Variants in PARD6B observed in about 807,000 individuals in gnomAD.
PARD6B encodes partitioning defective 6 homolog beta.
Under a neutral mutation model 10.5 loss-of-function variants are expected in PARD6B, and 4 were observed. That is an observed-to-expected ratio of 0.38 (90% CI 0.19 to 0.87). PARD6B has a LOEUF of 0.87. Among genes scored for constraint, PARD6B ranks in the 40% least tolerant of loss-of-function variants. PARD6B has a pLI of 0.41. For missense variants in PARD6B, 396 were observed against 470.6 expected (o/e 0.84, Z 1.47); for synonymous variants, 169 against 170.4 (o/e 0.99, Z 0.07).
chr20:50,750,903 C>G lies in PARD6B; in HGVS notation c.*415C>G, dbSNP rs146742474. The G allele has an allele frequency of 6.2e-6, 6 of 975,362 alleles. No individual in the cohort carries two copies. In the East Asian group the frequency reaches 5.8e-4, roughly 94 times the overall value. The allele number at this position is 975,362 out of a possible 1,614,324, so 60.4% of individuals were successfully genotyped here. A position where few individuals can be genotyped will look rare whatever the true frequency, so the allele number is the denominator to read the frequency against. Reference sequence around the variant, plus strand: ...TGAAGTCTGATTCTCTCTTGTGGTACATTGGGGACCTCAGCTCTTAAAGGT... The same window carrying G: ...TGAAGTCTGATTCTCTCTTGTGGTAGATTGGGGACCTCAGCTCTTAAAGGT... On this transcript the variant is annotated 3_prime_UTR_variant, in exon 3 of 3. Transcript: ENST00000371610.
At chr20:50,746,400 C>G (rs1043074548) in intron 2 of PARD6B, among the ~76,000 whole-genome samples, 3 of 152,150 alleles carry the variant, frequency 2.0e-5, no homozygotes, top group African/African-American at 7.2e-5. Context: ...GGGATAAATG[C>G]GGTGCTGCTG....
rs770634171 is a variant in PARD6B, at chr20:50,737,994, C to T, written c.204C>T (p.Asp68=). 3.1e-6 allele frequency: 5 copies of T among 1,613,446 alleles called. No homozygotes were observed. In the South Asian group the frequency reaches 4.4e-5, roughly 14 times the overall value. The change falls in exon 2 of 3, where the codon GAC becomes GAT. Residue 68 remains aspartate, a synonymous_variant. Coordinates refer to ENST00000371610, the MANE Select transcript of PARD6B (RefSeq NM_032521.3). ...TAGGCTATGCAGACATCCATGGAGA[C>T]TTACTACCTATAAATAATGATGATA... ...VLVGYADIHG[D]LLPINNDDNY...
chr20:50,746,669 G>T (rs1390963021), intron 2 of PARD6B, among the ~76,000 whole-genome samples: 1 of 152,160 alleles, frequency 6.6e-6, no homozygotes, highest in Non-Finnish European at 1.5e-5. Context: ...CTTTGTACTG[G>T]GGCATATTGC....
Position 50,752,586 on chromosome 20 carries a change from A to C in PARD6B, c.*2098A>C. On this transcript the variant is annotated 3_prime_UTR_variant, in exon 3 of 3. Coordinates refer to ENST00000371610, the MANE Select transcript of PARD6B (RefSeq NM_032521.3). ...CTTGTATATAGAAACTAAAAATACT[A>C]TGAAGTACATAAGTTCCCTATGGCT... is the stretch of plus-strand genomic sequence containing the variant. 1 of 983,486 alleles carries C rather than the reference A, an allele frequency of 1.0e-6. No individual in the cohort carries two copies. The highest frequency in any genetic ancestry group is 6.1e-5 in the Admixed American group (1 of 16,286). The allele number at this position is 983,486 out of a possible 1,614,324, so 60.9% of individuals were successfully genotyped here.
chr20:50,750,461 A>G lies in PARD6B; in HGVS notation c.1092A>G (p.Glu364=). The change falls in exon 3 of 3, where the codon GAA becomes GAG. Residue 364 remains glutamate, a synonymous_variant. Transcript: ENST00000371610. ...ATGCTCCAGATCAAAAACTCTTAGA[A>G]GAAGATGGAACAATCATAACATTAT... ...ETHAPDQKLL[E]EDGTIITL 2 of 1,613,682 alleles carry G rather than the reference A, an allele frequency of 1.2e-6. No homozygotes were observed. Among genetic ancestry groups the G allele is most frequent in the South Asian group, 1.1e-5 (1 of 91,032 alleles).
intron 1 of PARD6B, among the ~76,000 whole-genome samples, chr20:50,734,395 G>C (rs1463986713): frequency 1.3e-5 from 2 of 151,974 alleles, no homozygotes; most frequent in South Asian, 2.1e-4. Flanking sequence ...CACCCGGGCT[G>C]GAGTACAATG....
chr20:50,738,039 A>G lies in PARD6B; in HGVS notation c.249A>G (p.Ser83=), dbSNP rs772002068. 3.1e-6 allele frequency: 5 copies of G among 1,612,050 alleles called. No homozygotes were observed. Among genetic ancestry groups the G allele is most frequent in the Non-Finnish European group, 4.2e-6 (5 of 1,179,316 alleles). Residue 83 remains serine (S), a synonymous_variant, in exon 2 of 3, where the codon TCA becomes TCG. Transcript: ENST00000371610. ...NNDDNYHKAV[S]TANPLLRIFI... is the part of the protein sequence containing the mutation. Reference sequence around the variant, plus strand: ...ATGATAATTATCACAAAGCTGTTTCAACGGCCAATCCACTGCTTAGGATAT... The same window carrying G: ...ATGATAATTATCACAAAGCTGTTTCGACGGCCAATCCACTGCTTAGGATAT...
Position 50,741,380 on chromosome 20 carries a change from C to T in PARD6B, c.289+3301C>T, listed in dbSNP as rs545049396. Among the ~76,000 whole-genome samples the T allele has an allele frequency of 1.1e-4, 16 of 152,218 alleles. No homozygotes were observed. In the East Asian group the frequency reaches 2.9e-3, roughly 28 times the overall value. On this transcript the variant is annotated intron_variant, in intron 2 of 2. Transcript: ENST00000371610. The stretch of plus-strand genomic sequence containing the variant: ...TCAGATAAGTTTGTCAGAGGAGTCT[C>T]TTCTGACTACCCTAACTAAAGCCCT...
At chr20:50,739,707 G>A (rs1287938034) in intron 2 of PARD6B, among the ~76,000 whole-genome samples, 1 of 152,040 alleles carries the variant, frequency 6.6e-6, no homozygotes, top group Non-Finnish European at 1.5e-5. Context: ...TCCTGAGATG[G>A]ATCTCAAAGG....
intron 2 of PARD6B, among the ~76,000 whole-genome samples, chr20:50,742,184 C>T (rs955591225): frequency 1.3e-5 from 2 of 152,092 alleles, no homozygotes; most frequent in Non-Finnish European, 2.9e-5. Flanking sequence ...GCTGGGACTA[C>T]AGATGCGTGC....
In PARD6B at chr20:50,750,477, A is replaced by T; in HGVS notation, c.1108A>T (p.Ile370Leu). ...QKLLEEDGTI[I>L]TL ...ACTCTTAGAAGAAGATGGAACAATC[A>T]TAACATTATGAAACCGTGGTTTGAA... Residue 370 changes from isoleucine to leucine, a missense_variant, in exon 3 of 3, where the codon ATA becomes TTA. By Grantham distance (5) the Ile-to-Leu change is conservative (BLOSUM62 2). Transcript: ENST00000371610. 6.2e-7 allele frequency: 1 copy of T among 1,611,764 alleles called. No homozygotes were observed. The highest frequency in any genetic ancestry group is 8.5e-7 in the Non-Finnish European group (1 of 1,178,606).
In PARD6B at chr20:50,752,824, A is replaced by G. The variant is rs371683106; in HGVS notation, c.*2336A>G. The G allele has an allele frequency of 2.0e-6, 2 of 978,342 alleles. No homozygotes were observed. Among genetic ancestry groups the G allele is most frequent in the South Asian group, 4.7e-5 (1 of 21,136 alleles). The allele number at this position is 978,342 out of a possible 1,614,324, so 60.6% of individuals were successfully genotyped here. A position where few individuals can be genotyped will look rare whatever the true frequency, so the allele number is the denominator to read the frequency against. The stretch of plus-strand genomic sequence containing the variant: ...TATTTTGTTCACATTACCACTAAGC[A>G]TATTATCAGTAAACTATTAACTGAC... On this transcript the variant is annotated 3_prime_UTR_variant, in exon 3 of 3. Coordinates refer to ENST00000371610, the MANE Select transcript of PARD6B (RefSeq NM_032521.3).
Position 50,749,986 on chromosome 20 carries a change from C to T in PARD6B, c.617C>T (p.Thr206Ile). ...GTCCCAGGAGGTCTGGCTCAAAGTA[C>T]AGGACTATTAGCTGTTAATGATGAA... ...RLVPGGLAQS[T>I]GLLAVNDEVL... Residue 206 changes from threonine (T) to isoleucine (I), a missense_variant, in exon 3 of 3, where the codon ACA (threonine) becomes ATA (isoleucine). This residue lies in a region of PARD6B where 208 missense variants were observed against 300.9 expected (regional missense o/e 0.69). Transcript: ENST00000371610. 1.2e-6 allele frequency: 2 copies of T among 1,614,114 alleles called. No individual in the cohort carries two copies. Among genetic ancestry groups the T allele is most frequent in the Non-Finnish European group, 1.7e-6 (2 of 1,180,032 alleles).
chr20:50,749,700 A>C lies in PARD6B; in HGVS notation c.331A>C (p.Lys111Gln). ...TGCCTTTGGTACAGACACGCTAATA[A>C]AGAAGAAGAATGTTTTAACCAACGT... is the stretch of plus-strand genomic sequence containing the variant. ...YSAFGTDTLI[K>Q]KKNVLTNVLR... is the part of the protein sequence containing the mutation. Residue 111 changes from lysine (K) to glutamine (Q), a missense_variant, in exon 3 of 3, where the codon AAG becomes CAG. Around this residue, in one of 2 missense-constraint regions of PARD6B, gnomAD observed 208 missense variants for 300.9 expected, o/e 0.69. Coordinates refer to ENST00000371610, the MANE Select transcript of PARD6B (RefSeq NM_032521.3). 6.2e-7 allele frequency: 1 copy of C among 1,610,920 alleles called. No homozygotes were observed. The highest frequency in any genetic ancestry group is 8.5e-7 in the Non-Finnish European group (1 of 1,179,138).
chr20:50,736,397 T>G (rs1250439204), intron 1 of PARD6B, among the ~76,000 whole-genome samples: 6 of 152,236 alleles, frequency 3.9e-5, no homozygotes, highest in Non-Finnish European at 8.8e-5. Context: ...TTCTTGCTAG[T>G]AATAGATAGG....
In PARD6B at chr20:50,737,933, A is replaced by G; in HGVS notation, c.143A>G (p.Gln48Arg). Residue 48 changes from glutamine (Q) to arginine (R), a missense_variant, in exon 2 of 3, where the codon CAA becomes CGA. Around this residue, in one of 2 missense-constraint regions of PARD6B, gnomAD observed 208 missense variants for 300.9 expected, o/e 0.69. Transcript: ENST00000371610. Reference sequence around the variant, plus strand: ...TTTGAGGAGTTTTATGGATTACTACAACATGTTCATAAGATCCCCAATGTT... The same window carrying G: ...TTTGAGGAGTTTTATGGATTACTACGACATGTTCATAAGATCCCCAATGTT... ...GKFEEFYGLL[Q>R]HVHKIPNVDV... The G allele has an allele frequency of 6.2e-7, 1 of 1,613,514 alleles. No individual in the cohort carries two copies. Among genetic ancestry groups the G allele is most frequent in the African/African-American group, 1.3e-5 (1 of 74,960 alleles).
At chr20:50,733,348 C>T (rs2087482572) in intron 1 of PARD6B, among the ~76,000 whole-genome samples, 1 of 151,946 alleles carries the variant, frequency 6.6e-6, no homozygotes, top group Non-Finnish European at 1.5e-5. Context: ...CGCTTGAATC[C>T]GGGAGGTGGA....
rs956281548 is a variant in PARD6B at position 50,752,685 on chromosome 20, A to G, written c.*2197A>G. ...ACCTTTTTAACAATTGTGTGCTATT[A>G]CAACAATGAAGATTCAAATGACTCC... is the stretch of plus-strand genomic sequence containing the variant. On this transcript the variant is annotated 3_prime_UTR_variant, in exon 3 of 3. Transcript: ENST00000371610. The G allele has an allele frequency of 2.0e-5, 20 of 977,660 alleles. No individual in the cohort carries two copies. The highest frequency in any genetic ancestry group is 2.3e-5 in the Non-Finnish European group (19 of 822,534). 60.6% of individuals were successfully genotyped at this position (977,660 alleles called of 1,614,324 possible). A position where few individuals can be genotyped will look rare whatever the true frequency, so the allele number is the denominator to read the frequency against.
At chr20:50,736,516 A>G (rs1288435949) in intron 1 of PARD6B, among the ~76,000 whole-genome samples, 1 of 152,226 alleles carries the variant, frequency 6.6e-6, no homozygotes, top group Admixed American at 6.5e-5. Context: ...TGGTCTCCGC[A>G]GTGATTCCCA....
Sources: gnomAD v4.1 joint callset for allele counts (sites outside exome capture counted in the v4.1 genomes callset) on GRCh38, gnomAD v4.1.1 for gene constraint, gnomAD v4.1.1 regional missense constraint, MANE v1.5 for transcripts, NCBI Gene and HGNC (gene_info 2026-07-23, HGNC 2026-07-21) for gene names.